PLEKHM3: variants seen among roughly 807,000 people sequenced by gnomAD.
PLEKHM3 encodes pleckstrin homology domain-containing family M member 3.
PLEKHM3 carries 45 observed loss-of-function variants against 81.8 expected under a neutral mutation model. The ratio of observed to expected loss-of-function variants is 0.55; its 90% CI spans 0.43 to 0.71. The LOEUF (loss-of-function observed/expected upper bound fraction) is 0.71. Among genes scored for constraint, PLEKHM3 ranks in the 30% least tolerant of loss-of-function variants. The pLI is 0.00. For missense variants in PLEKHM3, 788 were observed against 924.3 expected (o/e 0.85, Z 1.91); for synonymous variants, 352 against 356.4 (o/e 0.99, Z 0.14).
chr2:207,961,600 T>G (rs1690736119), intron 3 of PLEKHM3, among the ~76,000 whole-genome samples: 1 of 152,154 alleles, frequency 6.6e-6, no homozygotes, highest in Non-Finnish European at 1.5e-5. Flanking sequence ...AAGAAACACC[T>G]TCTATTTTTA....
intron 3 of PLEKHM3, among the ~76,000 whole-genome samples, chr2:207,955,658 T>C (rs1044961592): frequency 2.0e-5 from 3 of 152,254 alleles, no homozygotes; most frequent in Non-Finnish European, 4.4e-5. Context: ...CTGTCCACTG[T>C]TGTACAGCTG....
chr2:208,000,970 G>T, intron 2 of PLEKHM3, 60 bp downstream of exon 2: 1 of 1,356,588 alleles, frequency 7.4e-7, no homozygotes, highest in Non-Finnish European at 9.8e-7. Context: ...AAGCTTATCT[G>T]AGTCACAGCC....
At chr2:207,945,171 A>T (rs185806048) in intron 4 of PLEKHM3, among the ~76,000 whole-genome samples, 3 of 152,256 alleles carry the variant, frequency 2.0e-5, no homozygotes, top group African/African-American at 7.2e-5. Flanking sequence ...TTCATCTGGA[A>T]ACACTTTCTT....
intron 6 of PLEKHM3, among the ~76,000 whole-genome samples, chr2:207,862,084 T>C (rs2092470486): frequency 6.6e-6 from 1 of 152,132 alleles, no homozygotes; most frequent in African/African-American, 2.4e-5. Flanking sequence ...CTTGCATACA[T>C]CCCTGAGTTT....
At chr2:207,830,786 G>A (rs964921374) in intron 7 of PLEKHM3, among the ~76,000 whole-genome samples, 5 of 151,876 alleles carry the variant, frequency 3.3e-5, no homozygotes, top group African/African-American at 1.2e-4. Flanking sequence ...GCCCTGTGGG[G>A]ACATACACAC....
At position 207,976,976 on chromosome 2, in the gene PLEKHM3, C is replaced by T. The variant is rs1691335216; in HGVS notation, c.1221G>A (p.Val407=). The part of the protein sequence containing the change: ...LDEDPLLSYN[V]DVCLAVQMDN... ...CCATCTGGACAGCCAGACACACGTC[C>T]ACGTTGTAGCTCAACAGTGGATCCT... The change falls in exon 3 of 8, where the codon GTG becomes GTA. Residue 407 remains valine (V), a synonymous_variant. Transcript: ENST00000427836. This position sits in a 1 kb window ranked among gnomAD's most constrained non-coding sequence, Gnocchi z 4.1. The T allele has an allele frequency of 6.2e-7, 1 of 1,614,214 alleles. No individual in the cohort carries two copies.
chr2:207,931,024 C>T lies in PLEKHM3; in HGVS notation c.1788G>A (p.Glu596=). ...QENAMLYHHA[E]PLAAVLRLRQ... The stretch of plus-strand genomic sequence containing the variant: ...GCAGCCGCAGCACGGCGGCCAGCGG[C>T]TCTGCGTGGTGGTACAGCATGGCGT... The change falls in exon 5 of 8, where the codon GAG becomes GAA. Residue 596 remains glutamate, a synonymous_variant. Coordinates refer to ENST00000427836, the MANE Select transcript of PLEKHM3 (RefSeq NM_001080475.3). 1 of 1,614,062 alleles carries T rather than the reference C, an allele frequency of 6.2e-7. No individual in the cohort carries two copies. Among genetic ancestry groups the T allele is most frequent in the Non-Finnish European group, 8.5e-7 (1 of 1,179,924 alleles).
intron 4 of PLEKHM3, among the ~76,000 whole-genome samples, chr2:207,935,394 C>A (rs1689718200): frequency 6.6e-6 from 1 of 152,050 alleles, no homozygotes; most frequent in Non-Finnish European, 1.5e-5. Flanking sequence ...GCCCGGACCC[C>A]CACTCACCAA....
At chr2:208,023,828 C>A (rs900255353) in intron 1 of PLEKHM3, among the ~76,000 whole-genome samples, 2 of 151,866 alleles carry the variant, frequency 1.3e-5, no homozygotes, top group African/African-American at 4.8e-5. Context: ...CCCTGGTAAT[C>A]ACCATTCCAC....
intron 1 of PLEKHM3, among the ~76,000 whole-genome samples, chr2:208,011,056 G>C (rs1692671810): frequency 2.8e-5 from 4 of 141,246 alleles, no homozygotes. Flanking sequence ...TGCAAGAATG[G>C]CCATAATCAA....
intron 6 of PLEKHM3, chr2:207,901,423 T>C (rs940400230): frequency 5.8e-6 from 4 of 691,434 alleles, no homozygotes; most frequent in African/African-American, 5.3e-5. Flanking sequence ...AGAAAACTAG[T>C]AGTTATGCTC....
In PLEKHM3 at chr2:208,014,705, AAC is replaced by A. The variant is rs1394791706; in HGVS notation, c.-319+10682_-319+10683del. Reference sequence around the variant, plus strand: ...TCCCCCTAATCTGGGTTTACATTAAAACAGTTTCTGAATTTCTTTTATTATGG... The same window carrying A: ...TCCCCCTAATCTGGGTTTACATTAAAAGTTTCTGAATTTCTTTTATTATGG... On this transcript the variant is annotated intron_variant, in intron 1 of 7. Transcript: ENST00000427836. Among the ~76,000 whole-genome samples the A allele has an allele frequency of 3.3e-5, 5 of 152,366 alleles. No homozygotes were observed. The East Asian group carries it at 7.7e-4, about 23-fold the overall frequency.
chr2:207,995,656 A>G (rs1692096607), intron 2 of PLEKHM3, among the ~76,000 whole-genome samples: 1 of 152,228 alleles, frequency 6.6e-6, no homozygotes, highest in Non-Finnish European at 1.5e-5. Context: ...TCACAGGATA[A>G]GCTGCTACCT....
chr2:207,956,534 TA>T lies in PLEKHM3; in HGVS notation c.1547-10023del, dbSNP rs1230742864. Among the ~76,000 whole-genome samples, 413 of 149,336 alleles carry T rather than the reference TA, an allele frequency of 2.8e-3. 5 individuals are homozygous for T. Among genetic ancestry groups the T allele is most frequent in the African/African-American group, 9.7e-3 (388 of 40,142 alleles). On this transcript the variant is annotated intron_variant, in intron 3 of 7. Transcript: ENST00000427836. The stretch of plus-strand genomic sequence containing the variant: ...TTGAAGCAGAGTAGCAAAGTAAACT[TA>T]AAAAAAAAATTTTTTTTTTTAAATT...
intron 1 of PLEKHM3, among the ~76,000 whole-genome samples, chr2:208,011,007 A>G (rs904080071): frequency 6.6e-6 from 1 of 151,938 alleles, no homozygotes; most frequent in African/African-American, 2.4e-5. Flanking sequence ...TGATCAGGGA[A>G]ATGCAAACCA....
intron 6 of PLEKHM3, among the ~76,000 whole-genome samples, chr2:207,892,589 T>A (rs1688093621): frequency 6.6e-6 from 1 of 152,124 alleles, no homozygotes; most frequent in South Asian, 2.1e-4. Context: ...CTTGACAGAT[T>A]CAGAAGCTAA....
intron 7 of PLEKHM3, among the ~76,000 whole-genome samples, chr2:207,831,657 C>T (rs2092288885): frequency 6.6e-6 from 1 of 152,218 alleles, no homozygotes. Flanking sequence ...TCACAGGTGA[C>T]TCTAGTACCC....
intron 6 of PLEKHM3, among the ~76,000 whole-genome samples, chr2:207,881,166 CAAG>C (rs2092589648): frequency 1.3e-5 from 2 of 151,976 alleles, no homozygotes; most frequent in South Asian, 4.2e-4. Context: ...CCAATACAAA[CAAG>C]AAGGTTAAAC....
chr2:207,951,571 A>C (rs1345976306), intron 3 of PLEKHM3, among the ~76,000 whole-genome samples: 1 of 152,182 alleles, frequency 6.6e-6, no homozygotes, highest in Non-Finnish European at 1.5e-5. Context: ...ATCTTTAATG[A>C]ACACATGCTC....
Sources: gnomAD v4.1 joint callset for allele counts (sites outside exome capture counted in the v4.1 genomes callset) on GRCh38, gnomAD v4.1.1 for gene constraint, Gnocchi (gnomAD v3.1) non-coding constraint, MANE v1.5 for transcripts, NCBI Gene and HGNC (gene_info 2026-07-23, HGNC 2026-07-21) for gene names.